The following RALGAPA2 variants were observed in gnomAD, a reference collection of about 807,000 sequenced individuals.
The protein encoded by RALGAPA2 is ral GTPase-activating protein subunit alpha-2.
In RALGAPA2, 139 loss-of-function variants were observed where a neutral mutation model predicts 230.4. That is an observed-to-expected ratio of 0.60 (90% CI 0.53 to 0.69). The LOEUF is 0.69. RALGAPA2 is among the 30% of genes least tolerant of loss of function. The pLI is 0.00. For synonymous variants in RALGAPA2, 847 were observed against 837.8 expected, an observed-to-expected ratio of 1.01 and a Z score of -0.19; for missense variants, 2,163 against 2,276.0, an observed-to-expected ratio of 0.95 and a Z score of 1.01.
intron 35 of RALGAPA2, among the ~76,000 whole-genome samples, chr20:20,499,284 T>C (rs1231867447): frequency 1.3e-5 from 2 of 152,130 alleles, no homozygotes; most frequent in African/African-American, 4.8e-5. Flanking sequence ...AGAACATTAT[T>C]TACAGCTTGG....
chr20:20,572,855 A>C lies in RALGAPA2; in HGVS notation c.2901+20T>G. 6 of 1,464,602 alleles carry C rather than the reference A, an allele frequency of 4.1e-6. No homozygotes were observed. The highest frequency in any genetic ancestry group is 5.5e-6 in the Non-Finnish European group (6 of 1,090,846). 90.7% of individuals were successfully genotyped at this position (1,464,602 alleles called of 1,614,324 possible). ...ACCATTTTCCTGGATTAGAATAAAAAGTAACATAGCAGAACTTACCTTTGC... is the reference window on the plus strand; with the variant it reads ...ACCATTTTCCTGGATTAGAATAAAACGTAACATAGCAGAACTTACCTTTGC... On this transcript the variant is annotated intron_variant, in intron 21 of 39. Coordinates refer to ENST00000202677, the MANE Select transcript of RALGAPA2 (RefSeq NM_020343.4).
Position 20,391,937 on chromosome 20 carries a change from G to A in RALGAPA2, c.*1352C>T, listed in dbSNP as rs1012148933. ...TGTACCTGGCCGCTGTGAGAACAAA[G>A]CCTGCGCAGTGGCGATGGACTCTGG... is the stretch of plus-strand genomic sequence containing the variant. On this transcript the variant is annotated 3_prime_UTR_variant, in exon 40 of 40. Transcript: ENST00000202677. 6.6e-6 allele frequency: 1 copy of A among 152,426 alleles called. No individual in the cohort carries two copies. The highest frequency in any genetic ancestry group is 2.4e-5 in the African/African-American group (1 of 41,472). The allele number at this position is 152,426 out of a possible 1,614,324, so 9.4% of individuals were successfully genotyped here. A position where few individuals can be genotyped will look rare whatever the true frequency, so the allele number is the denominator to read the frequency against.
At chr20:20,578,898 C>T (rs1263421982) in intron 20 of RALGAPA2, among the ~76,000 whole-genome samples, 1 of 152,178 alleles carries the variant, frequency 6.6e-6, no homozygotes, top group African/African-American at 2.4e-5. Flanking sequence ...CCACTGCTCA[C>T]TGCAAAGATT....
chr20:20,605,505 C>T, intron 14 of RALGAPA2, 93 bp from the exon 15 acceptor site: 2 of 938,236 alleles, frequency 2.1e-6, no homozygotes, highest in South Asian at 1.8e-5. Context: ...ATTAATAACA[C>T]AAATTTTAAA....
intron 3 of RALGAPA2, among the ~76,000 whole-genome samples, chr20:20,670,713 C>T (rs1298483841): frequency 1.3e-5 from 2 of 151,476 alleles, no homozygotes; most frequent in African/African-American, 2.4e-5. Flanking sequence ...TTTGTGAGGC[C>T]GAGGCACATG....
At chr20:20,520,844 A>G in intron 31 of RALGAPA2, 73 bp downstream of exon 31, 1 of 1,257,132 alleles carries the variant, frequency 8.0e-7, no homozygotes, top group Non-Finnish European at 1.1e-6. Context: ...AAAAAAAAAT[A>G]GAGCAAGCAT....
At chr20:20,441,359 A>G (rs1043260111) in intron 37 of RALGAPA2, among the ~76,000 whole-genome samples, 1 of 152,228 alleles carries the variant, frequency 6.6e-6, no homozygotes, top group Non-Finnish European at 1.5e-5. Context: ...GCCAATGTTT[A>G]GGTGGAAGGT....
chr20:20,423,666 G>C (rs1330375211), intron 37 of RALGAPA2, among the ~76,000 whole-genome samples: 1 of 152,208 alleles, frequency 6.6e-6, no homozygotes, highest in Non-Finnish European at 1.5e-5. Context: ...ATTTTCACAA[G>C]ATTTTATCTC....
At chr20:20,536,977 A>G (rs2145617260) in intron 24 of RALGAPA2, among the ~76,000 whole-genome samples, 193 bp from the exon 25 acceptor site, 1 of 152,322 alleles carries the variant, frequency 6.6e-6, no homozygotes, top group South Asian at 2.1e-4. Flanking sequence ...GGAAAATATC[A>G]CTGTACTTGG....
At chr20:20,407,905 G>A (rs1220167416) in intron 38 of RALGAPA2, among the ~76,000 whole-genome samples, 1 of 152,136 alleles carries the variant, frequency 6.6e-6, no homozygotes, top group African/African-American at 2.4e-5. Context: ...CTCCAAATAC[G>A]ACCTACATTA....
chr20:20,632,220 C>T (rs1253280440), intron 9 of RALGAPA2, among the ~76,000 whole-genome samples: 3 of 151,762 alleles, frequency 2.0e-5, no homozygotes, highest in African/African-American at 4.8e-5. Context: ...TCAGTACAGA[C>T]GGGGTTTCAC....
chr20:20,620,633 G>A lies in RALGAPA2; in HGVS notation c.1234-3C>T. 6.2e-7 allele frequency: 1 copy of A among 1,602,644 alleles called. No individual in the cohort carries two copies. Among genetic ancestry groups the A allele is most frequent in the Non-Finnish European group, 8.5e-7 (1 of 1,174,756 alleles). ...TCACAGGAAGGCAACAAAAATGCCT[G>A]AAAGGAAAAGAGAAAACTCCCTTTA... is the stretch of plus-strand genomic sequence containing the variant. On this transcript the variant is annotated splice_region_variant and splice_polypyrimidine_tract_variant and intron_variant, in intron 10 of 39. Transcript: ENST00000202677.
chr20:20,670,253 A>G (rs2068090184), intron 3 of RALGAPA2, among the ~76,000 whole-genome samples: 1 of 152,274 alleles, frequency 6.6e-6, no homozygotes, highest in Admixed American at 6.5e-5. Flanking sequence ...ATGTTGATAT[A>G]GACAGCCTAT....
In RALGAPA2 at chr20:20,396,689, T is replaced by C; in HGVS notation, c.*35+6A>G. 2 of 1,607,802 alleles carry C rather than the reference T, an allele frequency of 1.2e-6. No individual in the cohort carries two copies. Among genetic ancestry groups the C allele is most frequent in the Non-Finnish European group, 1.7e-6 (2 of 1,175,012 alleles). On this transcript the variant is annotated splice_donor_region_variant and intron_variant, in intron 39 of 39. Coordinates refer to ENST00000202677, the MANE Select transcript of RALGAPA2 (RefSeq NM_020343.4). ...CTGGACAAATCCACTGAAGTGTCTG[T>C]CTTACCTTGCTCAAATATTGAAATG...
At chr20:20,463,842 G>GT (rs2061356231) in intron 37 of RALGAPA2, among the ~76,000 whole-genome samples, 2 of 152,214 alleles carry the variant, frequency 1.3e-5, no homozygotes, top group Non-Finnish European at 2.9e-5. Flanking sequence ...TATGAAAAAG[G>GT]TAAGTTGGGT....
intron 30 of RALGAPA2, among the ~76,000 whole-genome samples, chr20:20,522,778 A>C (rs2063084323): frequency 6.6e-6 from 1 of 152,260 alleles, no homozygotes; most frequent in Admixed American, 6.5e-5. Context: ...ATGAATTTTT[A>C]CTATGAGGTG....
chr20:20,589,271 T>C lies in RALGAPA2; in HGVS notation c.2436A>G (p.Ile812Met). The change falls in exon 18 of 40, where the codon ATA (isoleucine) becomes ATG (methionine). Residue 812 changes from isoleucine to methionine, a missense_variant. Coordinates refer to ENST00000202677, the MANE Select transcript of RALGAPA2 (RefSeq NM_020343.4). ...AAATGGCTTGAAAATATCTTACTGT[T>C]ATTCCTTCATGTTCTCTCTTCACAT... ...KGHVKREHEG[I>M]TILVRRSSSP... 6.4e-7 allele frequency: 1 copy of C among 1,565,882 alleles called. No individual in the cohort carries two copies. The highest frequency in any genetic ancestry group is 8.7e-7 in the Non-Finnish European group (1 of 1,153,726).
At chr20:20,485,560 A>G (rs906003092) in intron 36 of RALGAPA2, among the ~76,000 whole-genome samples, 1 of 152,148 alleles carries the variant, frequency 6.6e-6, no homozygotes, top group Non-Finnish European at 1.5e-5. Flanking sequence ...AGAATTTTAT[A>G]TGAGTCCATT....
intron 16 of RALGAPA2, among the ~76,000 whole-genome samples, chr20:20,597,113 T>C (rs559975886): frequency 6.6e-6 from 1 of 152,200 alleles, no homozygotes; most frequent in Non-Finnish European, 1.5e-5. Context: ...TGTGGGAACA[T>C]GTTCTGGACA....
Sources: allele counts gnomAD v4.1 joint callset (sites outside exome capture counted in the v4.1 genomes callset), GRCh38; gene constraint gnomAD v4.1.1; transcripts MANE v1.5; gene names NCBI Gene and HGNC (gene_info 2026-07-23, HGNC 2026-07-21).